CLRN1: variants seen among roughly 807,000 people sequenced by gnomAD.
CLRN1 encodes the protein clarin 1.
Under a neutral mutation model 18.7 loss-of-function variants are expected in CLRN1, and 15 were observed. The observed-to-expected ratio is 0.80, with a 90% CI of 0.54 to 1.23. CLRN1 has a LOEUF of 1.23. CLRN1 is among the 50% of genes most tolerant of loss of function. The probability of loss-of-function intolerance (pLI) is 0.00; values close to 1 mark genes in which losing one functional copy is unlikely to be tolerated. For missense variants in CLRN1, 311 were observed against 277.5 expected (o/e 1.12, Z -0.86); for synonymous variants, 104 against 102.9 (o/e 1.01, Z -0.07).
chr3:150,945,333 G>A (rs1284923516), intron 1 of CLRN1, among the ~76,000 whole-genome samples: 9 of 152,190 alleles, frequency 5.9e-5, no homozygotes, highest in African/African-American at 2.2e-4. Context: ...ACCCATGAGT[G>A]AGACAGCAGG....
chr3:150,941,336 G>C (rs1713828910), intron 2 of CLRN1: 2 of 433,000 alleles, frequency 4.6e-6, no homozygotes, highest in Middle Eastern at 1.4e-3. Context: ...TTATCCTCTT[G>C]ATTACATCTT....
intron 2 of CLRN1, among the ~76,000 whole-genome samples, chr3:150,937,435 A>G (rs893707870): frequency 6.6e-6 from 1 of 152,182 alleles, no homozygotes; most frequent in African/African-American, 2.4e-5. Flanking sequence ...CAGAGAGCTT[A>G]AGGTAAAATA....
chr3:150,941,604 C>T lies in CLRN1; in HGVS notation c.411G>A (p.Leu137=), dbSNP rs1713844994. Residue 137 remains leucine, a synonymous_variant, in exon 2 of 3, where the codon CTG becomes CTA. Coordinates refer to ENST00000327047, the MANE Select transcript of CLRN1 (RefSeq NM_174878.3). ...TACCTGAAATGAAGCTCAAAAGGTA[C>T]AGCCCTAGGGGACCATGCAGAGTTT... is the stretch of plus-strand genomic sequence containing the variant. ...PFETLHGPLG[L]YLLSFISGSC... 5.0e-6 allele frequency: 8 copies of T among 1,613,978 alleles called. No homozygotes were observed. Among genetic ancestry groups the T allele is most frequent in the Non-Finnish European group, 6.8e-6 (8 of 1,179,926 alleles).
intron 2 of CLRN1, among the ~76,000 whole-genome samples, chr3:150,936,794 A>C (rs749029575): frequency 6.6e-6 from 1 of 152,024 alleles, no homozygotes; most frequent in Non-Finnish European, 1.5e-5. Context: ...TCCTTGTGCC[A>C]TTTCCCCTCA....
intron 2 of CLRN1, among the ~76,000 whole-genome samples, chr3:150,930,228 A>T (rs963613360): frequency 6.6e-6 from 1 of 152,178 alleles, no homozygotes; most frequent in African/African-American, 2.4e-5. Flanking sequence ...AGGAAAAGTT[A>T]GCTGAGCAGA....
At chr3:150,942,754 A>C in intron 1 of CLRN1, 1 of 277,814 alleles carries the variant, frequency 3.6e-6, no homozygotes. Context: ...GTCACTTCTC[A>C]TTTAAGTGAC....
intron 2 of CLRN1, among the ~76,000 whole-genome samples, chr3:150,934,911 G>T (rs1713372732): frequency 6.6e-6 from 1 of 151,528 alleles, no homozygotes; most frequent in Non-Finnish European, 1.5e-5. Context: ...GCCTTCTCCT[G>T]CCCGCACCTC....
At chr3:150,926,411 A>G, downstream of CLRN1, 1 of 317,104 alleles carries the variant, frequency 3.2e-6, no homozygotes, top group South Asian at 2.8e-5. Flanking sequence ...TAGCCCACTC[A>G]TTTCCAGTGC....
intron 1 of CLRN1, chr3:150,945,730 A>G: frequency 1.0e-6 from 1 of 967,582 alleles, no homozygotes; most frequent in Non-Finnish European, 1.4e-6. Flanking sequence ...ACCATTTTCA[A>G]TACATCATGT....
chr3:150,960,892 C>G (rs769116606), intron 1 of CLRN1, among the ~76,000 whole-genome samples: 2 of 152,248 alleles, frequency 1.3e-5, no homozygotes, highest in Non-Finnish European at 2.9e-5. Flanking sequence ...TGAAGGCCTC[C>G]CTGCCAAGGA....
intron 1 of CLRN1, among the ~76,000 whole-genome samples, chr3:150,952,297 T>C (rs534842904): frequency 4.6e-5 from 7 of 152,338 alleles, no homozygotes; most frequent in African/African-American, 1.4e-4. Context: ...AAACTCTCAA[T>C]GCTGGGTAGA....
chr3:150,930,440 C>T (rs1713075325), intron 2 of CLRN1, among the ~76,000 whole-genome samples: 1 of 152,142 alleles, frequency 6.6e-6, no homozygotes, highest in Non-Finnish European at 1.5e-5. Flanking sequence ...GGCCAATCAG[C>T]TTAATCATCA....
At chr3:150,967,945 G>C (rs1481558216) in intron 1 of CLRN1, among the ~76,000 whole-genome samples, 1 of 152,102 alleles carries the variant, frequency 6.6e-6, no homozygotes, top group African/African-American at 2.4e-5. Flanking sequence ...AAGAAACTCT[G>C]CTTTTCTAAA....
At chr3:150,953,466 C>T (rs1181855268) in intron 1 of CLRN1, among the ~76,000 whole-genome samples, 1 of 151,932 alleles carries the variant, frequency 6.6e-6, no homozygotes, top group Non-Finnish European at 1.5e-5. Context: ...CTTCAAACAG[C>T]AATAATGCAA....
At chr3:150,948,357 G>A (rs186555319) in intron 1 of CLRN1, among the ~76,000 whole-genome samples, 3,863 of 151,530 alleles carry the variant, frequency 0.025, 141 homozygotes, top group African/African-American at 0.089. Context: ...GGTAGCGGGC[G>A]CCTGTAGTCC....
chr3:150,948,481 C>G (rs1714301598), intron 1 of CLRN1, among the ~76,000 whole-genome samples: 1 of 55,908 alleles, frequency 1.8e-5, no homozygotes, highest in Admixed American at 3.3e-4. Context: ...GAGACTCCGT[C>G]TCAAAAAAAA....
At chr3:150,958,891 C>T (rs994949180) in intron 1 of CLRN1, among the ~76,000 whole-genome samples, 5 of 152,144 alleles carry the variant, frequency 3.3e-5, no homozygotes, top group East Asian at 1.9e-4. Context: ...TCCAGGTCAG[C>T]GAATTTAATT....
chr3:150,949,961 G>A (rs1714397478), intron 1 of CLRN1, among the ~76,000 whole-genome samples: 1 of 152,056 alleles, frequency 6.6e-6, no homozygotes. Flanking sequence ...TACAAAAACA[G>A]GCACATAGAC....
At chr3:150,929,212 C>A (rs902476411) in intron 2 of CLRN1, among the ~76,000 whole-genome samples, 1 of 152,160 alleles carries the variant, frequency 6.6e-6, no homozygotes, top group Non-Finnish European at 1.5e-5. Context: ...GCTGTGATTT[C>A]GGTGAGATTG....
Sources: allele counts gnomAD v4.1 joint callset (sites outside exome capture counted in the v4.1 genomes callset), GRCh38; gene constraint gnomAD v4.1.1; transcripts MANE v1.5; gene names NCBI Gene and HGNC (gene_info 2026-07-23, HGNC 2026-07-21).